Variants in GPHN observed in about 807,000 individuals in gnomAD.
GPHN encodes the protein gephyrin.
GPHN carries 17 observed loss-of-function variants against 95.5 expected under a neutral mutation model. That is an observed-to-expected ratio of 0.18 (90% CI 0.12 to 0.27). The LOEUF (loss-of-function observed/expected upper bound fraction) is 0.27. Among genes scored for constraint, GPHN ranks in the 10% least tolerant of loss-of-function variants. The pLI is 1.00. For synonymous variants in GPHN, 320 were observed against 322.5 expected (o/e 0.99, Z 0.08); for missense variants, 660 against 978.1 (o/e 0.67, Z 4.34).
At chr14:67,415,260 C>A in the GPHN span, among the ~76,000 whole-genome samples, 9 of 151,046 alleles carry the variant, frequency 6.0e-5, no homozygotes, top group African/African-American at 2.2e-4. Context: ...ATTTTTGAAC[C>A]CTGCCTTTTT....
chr14:67,231,564 G>T, the GPHN span, among the ~76,000 whole-genome samples: 1 of 152,198 alleles, frequency 6.6e-6, no homozygotes, highest in South Asian at 2.1e-4. Context: ...TGAGCCACTG[G>T]GTCCAGCCTG....
the GPHN span, chr14:67,575,727 C>A: frequency 1.1e-6 from 1 of 927,194 alleles, no homozygotes; most frequent in Non-Finnish European, 1.7e-6. Flanking sequence ...GGTCCATATC[C>A]ACGATTCCCA....
the GPHN span, among the ~76,000 whole-genome samples, chr14:67,712,493 C>CAAAAAA: frequency 0.014 from 553 of 38,506 alleles, no homozygotes; most frequent in Middle Eastern, 0.028. Flanking sequence ...AAAAAACTTG[C>CAAAAAA]AAAAAAAAAA....
chr14:67,316,968 AT>A, the GPHN span: 3 of 1,285,866 alleles, frequency 2.3e-6, no homozygotes, highest in Non-Finnish European at 3.3e-6. Context: ...CCATGTGTGA[AT>A]CTGCATATTA....
chr14:66,772,149 C>A (rs1049262078), intron 2 of GPHN, among the ~76,000 whole-genome samples: 2 of 151,636 alleles, frequency 1.3e-5, no homozygotes, highest in Admixed American at 6.6e-5. Context: ...CTGTGTTGAC[C>A]CTTGACTCCT....
intron 8 of GPHN, 53 bp from the exon 9 acceptor site, chr14:66,965,138 A>G: frequency 1.3e-6 from 2 of 1,487,540 alleles, no homozygotes; most frequent in Non-Finnish European, 1.9e-6. Context: ...TCTTGATTCT[A>G]CATGTTATTG....
chr14:67,479,059 CT>C, the GPHN span, among the ~76,000 whole-genome samples: 4 of 152,052 alleles, frequency 2.6e-5, no homozygotes, highest in African/African-American at 7.2e-5. Context: ...TTTCTGCATA[CT>C]TTTTTTTCCT....
chr14:67,699,384 G>C, the GPHN span, among the ~76,000 whole-genome samples: 1 of 151,822 alleles, frequency 6.6e-6, no homozygotes, highest in Non-Finnish European at 1.5e-5. Context: ...ATGAGTCCCT[G>C]TCTCAACCAA....
At chr14:66,956,820 T>G (rs914117093) in intron 8 of GPHN, among the ~76,000 whole-genome samples, 4 of 151,974 alleles carry the variant, frequency 2.6e-5, no homozygotes, top group African/African-American at 7.3e-5. Context: ...TGTAGGGATA[T>G]GGATGAAATT....
At chr14:66,899,946 T>C (rs1304874518) in intron 5 of GPHN, among the ~76,000 whole-genome samples, 1 of 151,922 alleles carries the variant, frequency 6.6e-6, no homozygotes, top group East Asian at 1.9e-4. Context: ...TCTTAAAAGT[T>C]ACAGGGCTAT....
chr14:67,599,949 G>A, the GPHN span: 2 of 1,292,972 alleles, frequency 1.5e-6, no homozygotes, highest in Non-Finnish European at 2.1e-6. Flanking sequence ...GTCCGGGCTC[G>A]ACCAAAGACC....
chr14:66,865,470 G>A (rs1364896936), intron 4 of GPHN, among the ~76,000 whole-genome samples: 2 of 152,048 alleles, frequency 1.3e-5, no homozygotes, highest in Admixed American at 6.5e-5. Context: ...TGGGCAATTT[G>A]TGTTAATACA....
the GPHN span, among the ~76,000 whole-genome samples, chr14:67,502,640 C>T: frequency 2.0e-5 from 3 of 151,978 alleles, no homozygotes; most frequent in South Asian, 4.2e-4. Context: ...TTAGTAGAGA[C>T]GGCATTCCTC....
chr14:66,659,174 TTG>T (rs1390461348), intron 1 of GPHN, among the ~76,000 whole-genome samples: 2 of 151,664 alleles, frequency 1.3e-5, no homozygotes, highest in Non-Finnish European at 3.0e-5. Context: ...GTGTGTGTGT[TTG>T]TGTGCACGCG....
chr14:66,529,255 C>T (rs1281538135), intron 1 of GPHN, among the ~76,000 whole-genome samples: 4 of 151,670 alleles, frequency 2.6e-5, no homozygotes, highest in South Asian at 2.1e-4. Context: ...TTGATCAATT[C>T]GGCTGTTGAT....
At chr14:66,814,090 A>G (rs2060868977) in intron 3 of GPHN, among the ~76,000 whole-genome samples, 1 of 152,176 alleles carries the variant, frequency 6.6e-6, no homozygotes, top group Non-Finnish European at 1.5e-5. Flanking sequence ...ACAGGAACGC[A>G]GTCTGCCCTC....
chr14:67,430,911 A>G, the GPHN span, among the ~76,000 whole-genome samples: 20,785 of 152,088 alleles, frequency 0.14, 2,658 homozygotes, highest in African/African-American at 0.34. Context: ...AGGGCTGGGG[A>G]TCGGGGCACC....
chr14:67,192,922 G>C, the GPHN span, among the ~76,000 whole-genome samples: 3 of 142,052 alleles, frequency 2.1e-5, no homozygotes, highest in Non-Finnish European at 4.6e-5. Flanking sequence ...AGATATATAT[G>C]TATATATAGA....
intron 1 of GPHN, among the ~76,000 whole-genome samples, chr14:66,660,443 G>A (rs2065574686): frequency 6.6e-6 from 1 of 151,768 alleles, no homozygotes; most frequent in Non-Finnish European, 1.5e-5. Flanking sequence ...TTATTTTTTT[G>A]CTTACTTTAT....
Sources: allele counts gnomAD v4.1 joint callset (sites outside exome capture counted in the v4.1 genomes callset), GRCh38; gene constraint gnomAD v4.1.1; transcripts MANE v1.5; gene names NCBI Gene and HGNC (gene_info 2026-07-23, HGNC 2026-07-21).